The following GINS1 variants were observed in gnomAD, a reference collection of about 807,000 sequenced individuals.
GINS1 encodes DNA replication complex GINS protein PSF1.
In GINS1, 26 loss-of-function variants were observed where a neutral mutation model predicts 34.9. The ratio of observed to expected loss-of-function variants is 0.74; its 90% confidence interval spans 0.55 to 1.03. The LOEUF (loss-of-function observed/expected upper bound fraction) is 1.03. Among genes scored for constraint, GINS1 ranks in the 50% least tolerant of loss-of-function variants. The probability of loss-of-function intolerance (pLI) is 0.00; values close to 1 mark genes in which losing one functional copy is unlikely to be tolerated. For synonymous variants in GINS1, 97 were observed against 84.4 expected, an observed-to-expected ratio of 1.15 and a Z score of -0.82; for missense variants, 235 against 237.9, an observed-to-expected ratio of 0.99 and a Z score of 0.08.
chr20:25,417,722 A>G (rs1385770284), intron 3 of GINS1, among the ~76,000 whole-genome samples: 1 of 152,048 alleles, frequency 6.6e-6, no homozygotes, highest in Non-Finnish European at 1.5e-5. Flanking sequence ...TGGGAGTGGT[A>G]GCGGGTGCCT....
At chr20:25,421,367 A>G (rs569988501) in intron 4 of GINS1, among the ~76,000 whole-genome samples, 92 of 152,352 alleles carry the variant, frequency 6.0e-4, no homozygotes, top group African/African-American at 2.2e-3. Flanking sequence ...GGTTACTAAC[A>G]TGAAACAGAT....
intron 3 of GINS1, 152 bp from the exon 4 acceptor site, chr20:25,417,953 C>T (rs1340000161): frequency 7.8e-6 from 5 of 638,406 alleles, no homozygotes; most frequent in Non-Finnish European, 1.4e-5. Context: ...TGGACAGTGC[C>T]TTCAGGTCGA....
intron 1 of GINS1, among the ~76,000 whole-genome samples, chr20:25,413,055 C>A (rs1295008591): frequency 2.1e-5 from 3 of 146,160 alleles, no homozygotes; most frequent in Non-Finnish European, 4.5e-5. Flanking sequence ...GTCAGTAGTT[C>A]ATTTTTTTTT....
intron 4 of GINS1, among the ~76,000 whole-genome samples, chr20:25,421,580 T>C (rs2090355663): frequency 6.6e-6 from 1 of 152,230 alleles, no homozygotes; most frequent in Non-Finnish European, 1.5e-5. Context: ...GTAACATCTT[T>C]TGTTTTTTGA....
At chr20:25,435,028 T>C (rs915364076) in intron 5 of GINS1, among the ~76,000 whole-genome samples, 3 of 152,230 alleles carry the variant, frequency 2.0e-5, no homozygotes, top group Admixed American at 6.5e-5. Context: ...CACTGTTGAA[T>C]TGAGGATTAA....
At chr20:25,409,055 G>C (rs551707405) in intron 1 of GINS1, 12 of 983,242 alleles carry the variant, frequency 1.2e-5, no homozygotes, top group Admixed American at 1.2e-4. Flanking sequence ...TCAAGGATGA[G>C]GTTACTGATC....
At chr20:25,434,536 C>T (rs927431394) in intron 5 of GINS1, among the ~76,000 whole-genome samples, 2 of 151,920 alleles carry the variant, frequency 1.3e-5, no homozygotes, top group African/African-American at 2.4e-5. Flanking sequence ...CAGCCTTGAA[C>T]GCCTGGGCTC....
At chr20:25,416,263 G>T (rs1361420096) in intron 2 of GINS1, among the ~76,000 whole-genome samples, 1 of 152,132 alleles carries the variant, frequency 6.6e-6, no homozygotes, top group Admixed American at 6.5e-5. Flanking sequence ...GTAAGGGAAT[G>T]ATTTTCTTGT....
intron 6 of GINS1, among the ~76,000 whole-genome samples, chr20:25,442,690 C>T (rs2090489350): frequency 6.6e-6 from 1 of 151,528 alleles, no homozygotes; most frequent in Non-Finnish European, 1.5e-5. Flanking sequence ...TCATTGCAAC[C>T]TCTGCCTCCT....
intron 5 of GINS1, among the ~76,000 whole-genome samples, chr20:25,432,866 T>C (rs1206652233): frequency 1.3e-5 from 2 of 148,486 alleles, no homozygotes; most frequent in South Asian, 4.2e-4. Flanking sequence ...TATTATATAT[T>C]AACTTATATA....
chr20:25,422,410 C>T (rs751843086), intron 4 of GINS1, among the ~76,000 whole-genome samples: 15 of 150,994 alleles, frequency 9.9e-5, no homozygotes, highest in Non-Finnish European at 1.6e-4. Flanking sequence ...CCTATCTCTA[C>T]CAAAAAAAGA....
In GINS1 at chr20:25,417,092, T is replaced by C; in HGVS notation, c.141-12T>C. 7.9e-7 allele frequency: 1 copy of C among 1,272,382 alleles called. No individual in the cohort carries two copies. Among genetic ancestry groups the C allele is most frequent in the South Asian group, 1.3e-5 (1 of 79,386 alleles). 78.8% of individuals were successfully genotyped at this position (1,272,382 alleles called of 1,614,324 possible). On this transcript the variant is annotated splice_polypyrimidine_tract_variant and intron_variant, in intron 2 of 6. Coordinates refer to ENST00000262460, the MANE Select transcript of GINS1 (RefSeq NM_021067.5). ...AGTACATATTTTTTTTCTTTTTAAA[T>C]GCTCCTATCAGGAATGAAGCAAAGT...
chr20:25,432,874 A>G (rs2090435144), intron 5 of GINS1, among the ~76,000 whole-genome samples: 1 of 148,476 alleles, frequency 6.7e-6, no homozygotes, highest in Admixed American at 6.8e-5. Context: ...ATTAACTTAT[A>G]TAATAACATT....
At chr20:25,438,577 G>A (rs1351326298) in intron 5 of GINS1, among the ~76,000 whole-genome samples, 3 of 133,806 alleles carry the variant, frequency 2.2e-5, no homozygotes, top group Non-Finnish European at 4.6e-5. Flanking sequence ...CTGGAGTACA[G>A]TGGTACAATC....
chr20:25,417,933 C>G lies in GINS1; in HGVS notation c.240-172C>G, dbSNP rs112533390. ...CCAGGACTACTGTGCTGCTGTCACA[C>G]GTGGAGGAGTGGACAGTGCCTTCAG... On this transcript the variant is annotated intron_variant, in intron 3 of 6. Transcript: ENST00000262460. Among the ~76,000 whole-genome samples the G allele has an allele frequency of 7.2e-3, 1,096 of 152,266 alleles. 7 individuals carry two copies. Among genetic ancestry groups the G allele is most frequent in the Middle Eastern group, 0.02 (6 of 294 alleles).
At chr20:25,441,970 T>G (rs900200838) in intron 6 of GINS1, among the ~76,000 whole-genome samples, 194 bp downstream of exon 6, 1 of 152,196 alleles carries the variant, frequency 6.6e-6, no homozygotes, top group African/African-American at 2.4e-5. Context: ...AATAAAAGAT[T>G]CATTAATTTA....
In GINS1 at chr20:25,445,976, G is replaced by A. The variant is rs757549689; in HGVS notation, c.576G>A (p.Glu192=). The change falls in exon 7 of 7, where the codon GAG becomes GAA. Residue 192 remains glutamate, a synonymous_variant. Transcript: ENST00000262460. ...AGCTGATCAGACAAGGAGTCCTGGAGCACATCCTGTCATGACCATGCGCCG... is the reference window on the plus strand; with the variant it reads ...AGCTGATCAGACAAGGAGTCCTGGAACACATCCTGTCATGACCATGCGCCG... ...CEQLIRQGVL[E]HILS 2 of 1,609,768 alleles carry A rather than the reference G, an allele frequency of 1.2e-6. No individual in the cohort carries two copies. The highest frequency in any genetic ancestry group is 1.1e-5 in the South Asian group (1 of 90,962).
intron 5 of GINS1, among the ~76,000 whole-genome samples, chr20:25,434,960 A>T (rs1467924897): frequency 6.6e-6 from 1 of 152,216 alleles, no homozygotes; most frequent in East Asian, 1.9e-4. Context: ...GCATAAATCC[A>T]TTTATGAAGG....
chr20:25,418,129 A>G lies in GINS1; in HGVS notation c.264A>G (p.Arg88=), dbSNP rs569373463. ...AYLYDRLLRI[R]ALRWEYGSVL... is the part of the protein sequence containing the mutation. ...GGTATGACCGCTTGCTTCGGATCAG[A>G]GCACTCAGATGGGAATATGGTAGCG... The change falls in exon 4 of 7, where the codon AGA becomes AGG. Residue 88 remains arginine, a synonymous_variant. Transcript: ENST00000262460. 4 of 1,602,898 alleles carry G rather than the reference A, an allele frequency of 2.5e-6. No homozygotes were observed. The East Asian group carries it at 8.9e-5, about 36-fold the overall frequency.
Sources: gnomAD v4.1 joint callset for allele counts (sites outside exome capture counted in the v4.1 genomes callset) on GRCh38, gnomAD v4.1.1 for gene constraint, MANE v1.5 for transcripts, NCBI Gene and HGNC (gene_info 2026-07-23, HGNC 2026-07-21) for gene names.